HIPK3: variants seen among roughly 807,000 people sequenced by gnomAD.
HIPK3 encodes the protein homeodomain interacting protein kinase 3.
HIPK3 carries 47 observed loss-of-function variants against 124.2 expected under a neutral mutation model. That is an observed-to-expected ratio of 0.38 (90% confidence interval 0.30 to 0.48). The LOEUF (loss-of-function observed/expected upper bound fraction) is 0.48, where lower values mean the gene tolerates loss of function less well. Among genes scored for constraint, HIPK3 ranks in the 20% least tolerant of loss-of-function variants. The pLI is 0.98. For missense variants in HIPK3, 1,286 were observed against 1,454.3 expected (o/e 0.88, Z 1.88); for synonymous variants, 482 against 515.2 (o/e 0.94, Z 0.87).
rs892244924 is a variant in HIPK3, at chr11:33,318,409, A to AT, written c.1098-10097dup. Among the ~76,000 whole-genome samples the AT allele has an allele frequency of 1.7e-4, 26 of 152,214 alleles. 1 individual carries two copies. Among genetic ancestry groups the AT allele is most frequent in the Middle Eastern group, 3.4e-3 (1 of 294 alleles). ...GTTTTAGGGATCATAGGAATTATTT[A>AT]TTTTAAGGTGTAGTGGTTAAAAGCA... is the stretch of plus-strand genomic sequence containing the variant. On this transcript the variant is annotated intron_variant, in intron 2 of 16. Coordinates refer to ENST00000303296, the MANE Select transcript of HIPK3 (RefSeq NM_005734.5).
At chr11:33,348,856 G>T in intron 13 of HIPK3, 38 bp downstream of exon 13, 1 of 1,565,120 alleles carries the variant, frequency 6.4e-7, no homozygotes, top group South Asian at 1.2e-5. Flanking sequence ...GGATATAGAT[G>T]GCATCCTTTG....
At chr11:33,260,379 C>G (rs950097755) in intron 1 of HIPK3, among the ~76,000 whole-genome samples, 1 of 152,140 alleles carries the variant, frequency 6.6e-6, no homozygotes, top group South Asian at 2.1e-4. Context: ...AACCTGAAAG[C>G]ATATGGAAAG....
intron 8 of HIPK3, 27 bp from the exon 9 acceptor site, chr11:33,347,266 T>G: frequency 6.3e-7 from 1 of 1,586,418 alleles, no homozygotes; most frequent in Non-Finnish European, 8.6e-7. Flanking sequence ...ATTTTTTCTT[T>G]TATTTGATAA....
intron 1 of HIPK3, among the ~76,000 whole-genome samples, chr11:33,282,985 C>T (rs774618973): frequency 6.6e-6 from 1 of 152,022 alleles, no homozygotes; most frequent in Non-Finnish European, 1.5e-5. Context: ...TACATATAGC[C>T]GGAGTTTTCA....
At chr11:33,261,864 C>T (rs1850836317) in intron 1 of HIPK3, among the ~76,000 whole-genome samples, 1 of 152,186 alleles carries the variant, frequency 6.6e-6, no homozygotes. Context: ...CTTTTCTCTG[C>T]AACCTCATCA....
At chr11:33,307,431 C>G (rs1852195433) in intron 2 of HIPK3, among the ~76,000 whole-genome samples, 1 of 137,918 alleles carries the variant, frequency 7.3e-6, no homozygotes, top group Non-Finnish European at 1.5e-5. Flanking sequence ...CAGAGTCTTG[C>G]TCTGTCGCCC....
At chr11:33,283,229 G>C (rs946053712) in intron 1 of HIPK3, among the ~76,000 whole-genome samples, 1 of 151,708 alleles carries the variant, frequency 6.6e-6, no homozygotes, top group Non-Finnish European at 1.5e-5. Context: ...TCCTGCCTCA[G>C]CCTCCCGAGT....
rs753140791 is a variant in HIPK3, at chr11:33,353,171, G to A, written c.3251G>A (p.Ser1084Asn). 6.2e-7 allele frequency: 1 copy of A among 1,613,768 alleles called. No individual in the cohort carries two copies. The highest frequency in any genetic ancestry group is 1.1e-5 in the South Asian group (1 of 91,072). ...HRRQQAYIPT[S>N]VTSNPFTLSH... ...AGACAGCAAGCTTATATTCCTACTA[G>A]TGTTACCAGTAATCCATTCACTCTT... The change falls in exon 17 of 17, where the codon AGT becomes AAT. Residue 1084 changes from serine (S) to asparagine (N), a missense_variant. By Grantham distance (46) the Ser-to-Asn change is conservative. This residue lies in a region of HIPK3 where 810 missense variants were observed against 864.9 expected (regional missense o/e 0.94). Transcript: ENST00000303296.
chr11:33,279,083 G>GT, intron 1 of HIPK3, among the ~76,000 whole-genome samples: 1 of 152,068 alleles, frequency 6.6e-6, no homozygotes, highest in Non-Finnish European at 1.5e-5. Flanking sequence ...AGAGGCTGAG[G>GT]TGGGTGGATG....
At chr11:33,271,389 G>A (rs1851120729) in intron 1 of HIPK3, among the ~76,000 whole-genome samples, 1 of 152,012 alleles carries the variant, frequency 6.6e-6, no homozygotes, top group Non-Finnish European at 1.5e-5. Flanking sequence ...GCCATGGTGA[G>A]ACCTCATCCT....
chr11:33,348,604 G>A lies in HIPK3; in HGVS notation c.2452G>A (p.Val818Ile). ...KIINGKDVEE[V>I]SCIETQDNQN... is the part of the protein sequence containing the mutation. ...AATTAATGGGAAAGATGTCGAGGAAGTAAGTTGTATAGAAACACAGGACAA... is the reference window on the plus strand; with the variant it reads ...AATTAATGGGAAAGATGTCGAGGAAATAAGTTGTATAGAAACACAGGACAA... The change falls in exon 13 of 17, where the codon GTA (valine) becomes ATA (isoleucine). Residue 818 changes from valine (V) to isoleucine (I), a missense_variant. Around this residue, in one of 3 missense-constraint regions of HIPK3, gnomAD observed 810 missense variants for 864.9 expected, o/e 0.94. Coordinates refer to ENST00000303296, the MANE Select transcript of HIPK3 (RefSeq NM_005734.5). 1 of 1,613,980 alleles carries A rather than the reference G, an allele frequency of 6.2e-7. No individual in the cohort carries two copies. The highest frequency in any genetic ancestry group is 2.2e-5 in the East Asian group (1 of 44,880).
intron 2 of HIPK3, among the ~76,000 whole-genome samples, chr11:33,304,105 T>A (rs534739166): frequency 6.6e-6 from 1 of 152,224 alleles, no homozygotes; most frequent in African/African-American, 2.4e-5. Flanking sequence ...CACGTCCAGC[T>A]AATTTTTTGT....
chr11:33,276,676 G>C (rs754045230), intron 1 of HIPK3, among the ~76,000 whole-genome samples: 7 of 151,972 alleles, frequency 4.6e-5, no homozygotes, highest in Admixed American at 1.3e-4. Flanking sequence ...TATCTAAAAT[G>C]ATCGTATTTT....
At chr11:33,297,777 GCTTTTTTTTT>G (rs1474325075) in intron 2 of HIPK3, among the ~76,000 whole-genome samples, 1 of 130,884 alleles carries the variant, frequency 7.6e-6, no homozygotes, top group Non-Finnish European at 1.6e-5. Flanking sequence ...CAAAGAACAG[GCTTTTTTTTT>G]TTTTTTTTTT....
At chr11:33,266,688 G>A (rs1029909472) in intron 1 of HIPK3, among the ~76,000 whole-genome samples, 1 of 152,026 alleles carries the variant, frequency 6.6e-6, no homozygotes, top group African/African-American at 2.4e-5. Flanking sequence ...CTGTAGCCTT[G>A]GAGACAGAGT....
chr11:33,351,331 C>T (rs1853650791), intron 14 of HIPK3, among the ~76,000 whole-genome samples: 1 of 151,434 alleles, frequency 6.6e-6, no homozygotes, highest in African/African-American at 2.4e-5. Context: ...TTATGAGCTG[C>T]TACTAAGGAT....
intron 1 of HIPK3, among the ~76,000 whole-genome samples, chr11:33,284,591 G>A (rs575896071): frequency 1.3e-5 from 2 of 152,298 alleles, no homozygotes; most frequent in South Asian, 4.1e-4. Flanking sequence ...CCAGGAGTTG[G>A]AGGCTGCAGT....
intron 12 of HIPK3, 40 bp downstream of exon 12, chr11:33,348,268 C>A: frequency 6.4e-7 from 1 of 1,553,382 alleles, no homozygotes; most frequent in Non-Finnish European, 8.9e-7. Flanking sequence ...TATTATCTAC[C>A]TGTAATGTAG....
intron 2 of HIPK3, among the ~76,000 whole-genome samples, chr11:33,326,709 T>C (rs1434108351): frequency 6.6e-6 from 1 of 151,454 alleles, no homozygotes; most frequent in Non-Finnish European, 1.5e-5. Flanking sequence ...CCTGGCTCTG[T>C]CCCTCAGGCT....
Sources: allele counts gnomAD v4.1 joint callset (sites outside exome capture counted in the v4.1 genomes callset), GRCh38; gene constraint gnomAD v4.1.1; regional missense constraint gnomAD v4.1.1; transcripts MANE v1.5; gene names NCBI Gene and HGNC (gene_info 2026-07-23, HGNC 2026-07-21).